Variants in GMNC observed in about 807,000 individuals in gnomAD.
GMNC encodes the protein geminin coiled-coil domain containing.
In GMNC, 16 loss-of-function variants were observed where a neutral mutation model predicts 33.6. That is an observed-to-expected ratio of 0.48 (90% CI 0.32 to 0.72). The LOEUF (loss-of-function observed/expected upper bound fraction) is 0.72. Among genes scored for constraint, GMNC ranks in the 30% least tolerant of loss-of-function variants. The pLI, the probability that GMNC is intolerant of heterozygous loss-of-function variation, is 0.03. For missense variants in GMNC, 393 were observed against 388.9 expected (o/e 1.01, Z -0.09); for synonymous variants, 156 against 147.3 (o/e 1.06, Z -0.43).
chr3:190,856,986 A>C (rs373357696), intron 4 of GMNC, among the ~76,000 whole-genome samples: 1 of 151,532 alleles, frequency 6.6e-6, no homozygotes, highest in Non-Finnish European at 1.5e-5. Context: ...AGTGTCTTCT[A>C]TTCTCTGAAC....
chr3:190,861,455 C>CATCTATCTATCT lies in GMNC; in HGVS notation c.4-609_4-598dup, dbSNP rs11378580. Among the ~76,000 whole-genome samples the CATCTATCTATCT allele has an allele frequency of 4.7e-3, 681 of 146,000 alleles. 3 individuals are homozygous for CATCTATCTATCT. The highest frequency in any genetic ancestry group is 6.1e-3 in the South Asian group (27 of 4,432). ...TCTGTCTGTCTGTCTGTCTGCCTAT[C>CATCTATCTATCT]ATCTATCTATCTATCTATCTATCTA... On this transcript the variant is annotated intron_variant, in intron 1 of 4. Coordinates refer to ENST00000442080, the MANE Select transcript of GMNC (RefSeq NM_001146686.3). The surrounding 1 kb of genome is among the most constrained non-coding windows in gnomAD (Gnocchi z 5.1).
intron 2 of GMNC, chr3:190,859,705 C>A: frequency 2.9e-6 from 1 of 345,322 alleles, no homozygotes; most frequent in South Asian, 2.4e-5. Context: ...TGACAGTCAG[C>A]TCTATCTATC....
chr3:190,855,193 G>T lies in GMNC; in HGVS notation c.*102C>A. ...GTGACATTTAAAGTGGCAGGAGACAGTCTAAGCAACAGCTTCTGTGTTCCA... is the reference window on the plus strand; with the variant it reads ...GTGACATTTAAAGTGGCAGGAGACATTCTAAGCAACAGCTTCTGTGTTCCA... On this transcript the variant is annotated 3_prime_UTR_variant, in exon 5 of 5. Coordinates refer to ENST00000442080, the MANE Select transcript of GMNC (RefSeq NM_001146686.3). 8.4e-7 allele frequency: 1 copy of T among 1,196,402 alleles called. No homozygotes were observed. Among genetic ancestry groups the T allele is most frequent in the Non-Finnish European group, 1.2e-6 (1 of 861,628 alleles). 74.1% of individuals were successfully genotyped at this position (1,196,402 alleles called of 1,614,324 possible).
chr3:190,853,383 G>A lies in GMNC; in HGVS notation c.*1912C>T, dbSNP rs1017267861. The stretch of plus-strand genomic sequence containing the variant: ...GGGGCCCAGATACCAGAATGTAAAA[G>A]GCACAGTTATTTATTTTATTTTATT... On this transcript the variant is annotated 3_prime_UTR_variant, in exon 5 of 5. Transcript: ENST00000442080. 1 of 151,928 alleles carries A rather than the reference G, an allele frequency of 6.6e-6. No homozygotes were observed. The highest frequency in any genetic ancestry group is 2.1e-4 in the South Asian group (1 of 4,816). The allele number at this position is 151,928 out of a possible 1,614,324, so 9.4% of individuals were successfully genotyped here. A position where few individuals can be genotyped will look rare whatever the true frequency, so the allele number is the denominator to read the frequency against.
At chr3:190,859,463 G>C (rs1737816240) in intron 2 of GMNC, among the ~76,000 whole-genome samples, 1 of 152,012 alleles carries the variant, frequency 6.6e-6, no homozygotes, top group Non-Finnish European at 1.5e-5. Context: ...TTAAATTCTA[G>C]TCTGTAATGC....
At chr3:190,846,965 T>C in the GMNC span, among the ~76,000 whole-genome samples, 1 of 152,204 alleles carries the variant, frequency 6.6e-6, no homozygotes, top group Non-Finnish European at 1.5e-5. Context: ...CCTCTTCCAA[T>C]GTGGGTTAAA....
At position 190,853,639 on chromosome 3, in the gene GMNC, T is replaced by G. The variant is rs574191055; in HGVS notation, c.*1656A>C. 3 of 152,000 alleles carry G rather than the reference T, an allele frequency of 2.0e-5. No homozygotes were observed. The highest frequency in any genetic ancestry group is 7.3e-5 in the African/African-American group (3 of 41,356). 9.4% of individuals were successfully genotyped at this position (152,000 alleles called of 1,614,324 possible). A position where few individuals can be genotyped will look rare whatever the true frequency, so the allele number is the denominator to read the frequency against. ...ACCAACACAGTTGACCTACGAGATA[T>G]TGATTGTGCAAGATGACTTATTGAG... is the stretch of plus-strand genomic sequence containing the variant. On this transcript the variant is annotated 3_prime_UTR_variant, in exon 5 of 5. Coordinates refer to ENST00000442080, the MANE Select transcript of GMNC (RefSeq NM_001146686.3).
intron 4 of GMNC, among the ~76,000 whole-genome samples, chr3:190,856,417 A>G (rs1737745353): frequency 7.2e-6 from 1 of 138,894 alleles, no homozygotes; most frequent in Admixed American, 7.3e-5. Context: ...AAATATATTA[A>G]TAAATATTAA....
At chr3:190,849,762 G>A (rs1737605914), downstream of GMNC, among the ~76,000 whole-genome samples, 1 of 152,210 alleles carries the variant, frequency 6.6e-6, no homozygotes. Context: ...TTTCCAAAGT[G>A]TGAGGATAGA....
At chr3:190,860,912 G>GA in intron 1 of GMNC, 54 bp from the exon 2 acceptor site, 1 of 1,271,928 alleles carries the variant, frequency 7.9e-7, no homozygotes, top group Non-Finnish European at 1.1e-6. Context: ...GGGTGATGGA[G>GA]ATTTAGAAGG....
rs1332077384 is a variant in GMNC, at chr3:190,861,578, G to C, written c.4-720C>G. 6.6e-6 allele frequency among the ~76,000 whole-genome samples: 1 copy of C among 152,096 alleles called. No individual in the cohort carries two copies. The highest frequency in any genetic ancestry group is 1.5e-5 in the Non-Finnish European group (1 of 68,030). Reference sequence around the variant, plus strand: ...GCACAGGACCACAAAGCTGCTCCAAGTAAACGTATAATCAAAGCTGAAAGA... The same window carrying C: ...GCACAGGACCACAAAGCTGCTCCAACTAAACGTATAATCAAAGCTGAAAGA... On this transcript the variant is annotated intron_variant, in intron 1 of 4. Coordinates refer to ENST00000442080, the MANE Select transcript of GMNC (RefSeq NM_001146686.3). The surrounding 1 kb of genome is among the most constrained non-coding windows in gnomAD (Gnocchi z 5.1).
chr3:190,859,104 ATAGGTTCAAT>A (rs1352853866), intron 2 of GMNC, 88 bp from the exon 3 acceptor site: 24 of 790,082 alleles, frequency 3.0e-5, no homozygotes, highest in Non-Finnish European at 4.5e-5. Flanking sequence ...AGAAAGTTTA[ATAGGTTCAAT>A]TATTTTTCTT....
At chr3:190,844,016 G>C in the GMNC span, among the ~76,000 whole-genome samples, 1 of 152,032 alleles carries the variant, frequency 6.6e-6, no homozygotes, top group African/African-American at 2.4e-5. Context: ...AATCCAGAAT[G>C]GTTACTTCTT....
the GMNC span, among the ~76,000 whole-genome samples, chr3:190,846,184 C>T: frequency 5.3e-5 from 8 of 152,112 alleles, no homozygotes; most frequent in African/African-American, 1.9e-4. Flanking sequence ...GCCAAGATTG[C>T]ATCACTGCAC....
rs1467679610 is a variant in GMNC at position 190,852,845 on chromosome 3, G to C, written c.*2450C>G. ...AATATTAACTGTGGTTTACCAGAGA[G>C]ACATGGTGAAGCCATACAAGTAAAA... is the stretch of plus-strand genomic sequence containing the variant. On this transcript the variant is annotated 3_prime_UTR_variant, in exon 5 of 5. Transcript: ENST00000442080. The C allele has an allele frequency of 6.6e-6, 1 of 152,156 alleles. No individual in the cohort carries two copies. The highest frequency in any genetic ancestry group is 1.5e-5 in the Non-Finnish European group (1 of 67,982). 9.4% of individuals were successfully genotyped at this position (152,156 alleles called of 1,614,324 possible). A position where few individuals can be genotyped will look rare whatever the true frequency, so the allele number is the denominator to read the frequency against.
the GMNC span, among the ~76,000 whole-genome samples, chr3:190,844,552 C>T: frequency 6.6e-6 from 1 of 151,300 alleles, no homozygotes; most frequent in African/African-American, 2.4e-5. Context: ...TTAGGGAATC[C>T]TTTATAAAAC....
rs1737654529 is a variant in GMNC, at chr3:190,852,748, G to C, written c.*2547C>G. The C allele has an allele frequency of 6.6e-6, 1 of 152,082 alleles. No homozygotes were observed. Among genetic ancestry groups the C allele is most frequent in the Non-Finnish European group, 1.5e-5 (1 of 67,992 alleles). 9.4% of individuals were successfully genotyped at this position (152,082 alleles called of 1,614,324 possible). On this transcript the variant is annotated 3_prime_UTR_variant, in exon 5 of 5. Transcript: ENST00000442080. ...ACCAGGAGAAGAAAATCTGCTATTAGGGAATGTTAAGCATGGTATAAAAAT... is the reference window on the plus strand; with the variant it reads ...ACCAGGAGAAGAAAATCTGCTATTACGGAATGTTAAGCATGGTATAAAAAT...
At chr3:190,852,216 T>C (rs7643405), downstream of GMNC, among the ~76,000 whole-genome samples, 2,226 of 152,282 alleles carry the variant, frequency 0.015, 59 homozygotes, top group African/African-American at 0.047. Flanking sequence ...ATTAACGCTA[T>C]ACTTTTCTCC....
the GMNC span, among the ~76,000 whole-genome samples, chr3:190,843,379 T>G: frequency 6.6e-6 from 1 of 152,062 alleles, no homozygotes; most frequent in Non-Finnish European, 1.5e-5. Context: ...TTCATAGAGA[T>G]AAAATTATTT....
Sources: allele counts gnomAD v4.1 joint callset (sites outside exome capture counted in the v4.1 genomes callset), GRCh38; gene constraint gnomAD v4.1.1; non-coding constraint Gnocchi (gnomAD v3.1); transcripts MANE v1.5; gene names NCBI Gene and HGNC (gene_info 2026-07-23, HGNC 2026-07-21).